The following CCDC138 variants were observed in gnomAD, a reference collection of about 807,000 sequenced individuals.
CCDC138 encodes the protein coiled-coil domain containing 138, also known as coiled-coil domain-containing protein 138.
CCDC138 carries 66 observed loss-of-function variants against 82.3 expected under a neutral mutation model. The ratio of observed to expected loss-of-function variants is 0.80; its 90% CI spans 0.66 to 0.98. The LOEUF is 0.98. Ranked by LOEUF, CCDC138 falls within the 50% of genes least tolerant of loss-of-function variation. CCDC138 has a pLI of 0.00. For missense variants in CCDC138, 816 were observed against 758.9 expected (o/e 1.08, Z -0.88); for synonymous variants, 297 against 265.4 (o/e 1.12, Z -1.16).
chr2:108,860,533 A>T (rs556544527), intron 13 of CCDC138, among the ~76,000 whole-genome samples: 32 of 151,796 alleles, frequency 2.1e-4, no homozygotes, highest in Middle Eastern at 3.4e-3. Flanking sequence ...TTTTATCCTA[A>T]AGAGATGTTG....
At chr2:108,841,226 A>C (rs564676791) in intron 11 of CCDC138, among the ~76,000 whole-genome samples, 1 of 152,194 alleles carries the variant, frequency 6.6e-6, no homozygotes, top group South Asian at 2.1e-4. Flanking sequence ...ATGGCTGAGA[A>C]TATGTATTCT....
At chr2:108,881,433 T>C (rs1490472832), downstream of CCDC138, among the ~76,000 whole-genome samples, 1 of 152,246 alleles carries the variant, frequency 6.6e-6, no homozygotes, top group Non-Finnish European at 1.5e-5. Context: ...TTTCTCCTTA[T>C]CAGCAATAAG....
intron 7 of CCDC138, 50 bp downstream of exon 7, chr2:108,805,058 AT>A (rs754084122): frequency 9.7e-7 from 1 of 1,030,840 alleles, no homozygotes; most frequent in Non-Finnish European, 1.3e-6. Context: ...TAAGAAGTAT[AT>A]TTTATATATA....
In CCDC138 at chr2:108,791,658, C is replaced by T. The variant is rs368525211; in HGVS notation, c.267-17C>T. 1 of 1,599,910 alleles carries T rather than the reference C, an allele frequency of 6.3e-7. No individual in the cohort carries two copies. The stretch of plus-strand genomic sequence containing the variant: ...AGTAAACTTCTAGATTGCTGTGATA[C>T]AATTATTTTTTTAAAGCCTAGATGA... On this transcript the variant is annotated splice_polypyrimidine_tract_variant and intron_variant, in intron 3 of 14. Transcript: ENST00000295124.
At chr2:108,835,485 C>G (rs749041013) in intron 10 of CCDC138, among the ~76,000 whole-genome samples, 15 of 152,112 alleles carry the variant, frequency 9.9e-5, no homozygotes, top group Non-Finnish European at 1.9e-4. Context: ...CCACTGATAA[C>G]AGCGATATGA....
At position 108,823,379 on chromosome 2, in the gene CCDC138, C is replaced by T. The variant is rs139602043; in HGVS notation, c.1206+7274C>T. Among the ~76,000 whole-genome samples the T allele has an allele frequency of 1.6e-3, 245 of 152,270 alleles. 1 individual carries two copies. Among genetic ancestry groups the T allele is most frequent in the Non-Finnish European group, 2.7e-3 (185 of 68,020 alleles). On this transcript the variant is annotated intron_variant, in intron 10 of 14. Coordinates refer to ENST00000295124, the MANE Select transcript of CCDC138 (RefSeq NM_144978.3). ...CCTTGATAAATATTGATGCAAAAATCCTCAACAAAATAGTACCAAACTGAA... is the reference window on the plus strand; with the variant it reads ...CCTTGATAAATATTGATGCAAAAATTCTCAACAAAATAGTACCAAACTGAA...
intron 12 of CCDC138, 92 bp from the exon 13 acceptor site, chr2:108,856,702 G>A: frequency 1.7e-6 from 2 of 1,188,030 alleles, no homozygotes; most frequent in South Asian, 2.8e-5. Context: ...TTTTGAGTTT[G>A]TTAAAGTAAC....
intron 6 of CCDC138, 122 bp downstream of exon 6, chr2:108,798,708 T>TAC (rs34242205): frequency 0.022 from 9,311 of 428,674 alleles, 465 homozygotes; most frequent in African/African-American, 0.15. Flanking sequence ...TCTCCACGCC[T>TAC]ACACACACAC....
At chr2:108,826,412 G>GC (rs1232673085) in intron 10 of CCDC138, among the ~76,000 whole-genome samples, 2 of 152,032 alleles carry the variant, frequency 1.3e-5, no homozygotes, top group African/African-American at 4.8e-5. Flanking sequence ...GGCCTTTGAT[G>GC]CATTTTGAGT....
At chr2:108,875,319 TAAAAAAA>T (rs66522366) in intron 14 of CCDC138, among the ~76,000 whole-genome samples, 6 of 118,492 alleles carry the variant, frequency 5.1e-5, no homozygotes, top group South Asian at 2.5e-4. Flanking sequence ...TAAAGTATAA[TAAAAAAA>T]AAAAAAAAAA....
chr2:108,820,709 A>C (rs1251985034), intron 10 of CCDC138, among the ~76,000 whole-genome samples: 3 of 54,336 alleles, frequency 5.5e-5, no homozygotes, highest in Non-Finnish European at 9.7e-5. Context: ...CAAAAAAAAA[A>C]AAAAAACAAA....
At chr2:108,796,780 C>T (rs1680983079) in intron 5 of CCDC138, among the ~76,000 whole-genome samples, 1 of 152,000 alleles carries the variant, frequency 6.6e-6, no homozygotes, top group African/African-American at 2.4e-5. Context: ...AAGTGGGTCT[C>T]ATAGAAATAG....
chr2:108,815,823 C>T (rs185091453), intron 9 of CCDC138, 118 bp from the exon 10 acceptor site: 17 of 839,388 alleles, frequency 2.0e-5, no homozygotes, highest in Middle Eastern at 7.5e-4. Context: ...CTGTCCTTAA[C>T]ACATTTTAGT....
chr2:108,855,130 A>T (rs1465244016), intron 12 of CCDC138, among the ~76,000 whole-genome samples: 3 of 152,194 alleles, frequency 2.0e-5, no homozygotes, highest in African/African-American at 7.2e-5. Flanking sequence ...TTTAGAAGTT[A>T]AATTGCTCTT....
At chr2:108,871,774 T>G (rs1574322195) in intron 13 of CCDC138, among the ~76,000 whole-genome samples, 1 of 152,190 alleles carries the variant, frequency 6.6e-6, no homozygotes, top group South Asian at 2.1e-4. Flanking sequence ...CTTTTCATCT[T>G]CCCCGCCTCC....
intron 7 of CCDC138, among the ~76,000 whole-genome samples, chr2:108,805,757 A>G (rs1166888300): frequency 1.3e-5 from 2 of 152,150 alleles, no homozygotes. Context: ...AGATTAATAT[A>G]TAATACCAGA....
chr2:108,840,457 G>A (rs987487116), intron 11 of CCDC138, among the ~76,000 whole-genome samples: 2 of 152,124 alleles, frequency 1.3e-5, no homozygotes, highest in Admixed American at 6.6e-5. Context: ...CTATGTGGAT[G>A]AGATTTCTTT....
rs113961911 is a variant in CCDC138, at chr2:108,809,868, C to T, written c.856-2763C>T. Among the ~76,000 whole-genome samples, 1,245 of 152,206 alleles carry T rather than the reference C, an allele frequency of 8.2e-3. 23 individuals are homozygous for T. The highest frequency in any genetic ancestry group is 0.027 in the African/African-American group (1,131 of 41,534). On this transcript the variant is annotated intron_variant, in intron 7 of 14. Coordinates refer to ENST00000295124, the MANE Select transcript of CCDC138 (RefSeq NM_144978.3). ...TCGCCCAGGCTGGAGTGCAGCAGCA[C>T]GATATCTGCTCACTGCAACCTCCAC...
intron 10 of CCDC138, among the ~76,000 whole-genome samples, chr2:108,816,456 AAAAAAAC>A (rs1227016558): frequency 6.6e-6 from 1 of 152,116 alleles, no homozygotes; most frequent in African/African-American, 2.4e-5. Context: ...GTTTCAAAAG[AAAAAAAC>A]AAAAAACAAA....
Sources: gnomAD v4.1 joint callset for allele counts (sites outside exome capture counted in the v4.1 genomes callset) on GRCh38, gnomAD v4.1.1 for gene constraint, MANE v1.5 for transcripts, NCBI Gene and HGNC (gene_info 2026-07-23, HGNC 2026-07-21) for gene names.